PLXNA2: variants seen among roughly 807,000 people sequenced by gnomAD.
PLXNA2 encodes the protein plexin-A2.
In PLXNA2, 91 loss-of-function variants were observed where a neutral mutation model predicts 193.5. The ratio of observed to expected loss-of-function variants is 0.47; its 90% CI spans 0.40 to 0.56. The LOEUF (loss-of-function observed/expected upper bound fraction) is 0.56. Among genes scored for constraint, PLXNA2 ranks in the 20% least tolerant of loss-of-function variants. The pLI is 0.00. For missense variants in PLXNA2, 1,995 were observed against 2,503.2 expected (o/e 0.80, Z 4.33); for synonymous variants, 997 against 1,027.3 (o/e 0.97, Z 0.56).
chr1:208,044,616 CGAT>C lies in PLXNA2; in HGVS notation c.3763_3765del (p.Ile1255del). 1 of 1,614,004 alleles carries C rather than the reference CGAT, an allele frequency of 6.2e-7. No homozygotes were observed. The highest frequency in any genetic ancestry group is 8.5e-7 in the Non-Finnish European group (1 of 1,179,988). ...GACTTGCGCTTGTAGGCAATGAGGA[CGAT>C]GATGACGATGATGAGGAGGAGGCTG... On this transcript the variant is annotated inframe_deletion, in exon 20 of 32. Coordinates refer to ENST00000367033, the MANE Select transcript of PLXNA2 (RefSeq NM_025179.4). This position sits in a 1 kb window ranked among gnomAD's most constrained non-coding sequence, Gnocchi z 4.9.
intron 12 of PLXNA2, among the ~76,000 whole-genome samples, chr1:208,077,584 C>A (rs1048307292): frequency 3.9e-5 from 6 of 152,194 alleles, no homozygotes; most frequent in Non-Finnish European, 7.3e-5. Flanking sequence ...AGACTGACAA[C>A]TGCAGCAGCA....
chr1:208,203,640 A>C (rs1670621059), intron 3 of PLXNA2, among the ~76,000 whole-genome samples: 1 of 152,220 alleles, frequency 6.6e-6, no homozygotes, highest in Non-Finnish European at 1.5e-5. Context: ...GGAGCCAAGT[A>C]ACAGGTTAGT....
intron 28 of PLXNA2, among the ~76,000 whole-genome samples, chr1:208,033,020 A>ATC (rs1236289993): frequency 3.4e-5 from 5 of 145,788 alleles, no homozygotes; most frequent in East Asian, 2.1e-4. Flanking sequence ...GAACTGGACT[A>ATC]TCTCTCTCTC....
At chr1:208,198,805 T>G (rs1306465040) in intron 3 of PLXNA2, among the ~76,000 whole-genome samples, 2 of 152,144 alleles carry the variant, frequency 1.3e-5, no homozygotes, top group Non-Finnish European at 2.9e-5. Context: ...AAAAAGCTAG[T>G]GGTTAAAAGC....
chr1:208,159,499 C>T lies in PLXNA2; in HGVS notation c.1372-17036G>A, dbSNP rs541615697. The stretch of plus-strand genomic sequence containing the variant: ...TTGCACAATCCCACGTCCTCCAGCT[C>T]GTGCTCTTTCTGTCTTGAGAGTCTG... On this transcript the variant is annotated intron_variant, in intron 3 of 31. Coordinates refer to ENST00000367033, the MANE Select transcript of PLXNA2 (RefSeq NM_025179.4). 5.9e-5 allele frequency among the ~76,000 whole-genome samples: 9 copies of T among 152,300 alleles called. No homozygotes were observed. The South Asian group carries it at 8.3e-4, about 14-fold the overall frequency.
chr1:208,052,740 G>A (rs1182102060), intron 14 of PLXNA2, among the ~76,000 whole-genome samples: 1 of 152,082 alleles, frequency 6.6e-6, no homozygotes, highest in Non-Finnish European at 1.5e-5. Context: ...GAAAGCAGAG[G>A]TGACACTGAC....
chr1:208,208,400 T>C (rs12094123), intron 3 of PLXNA2, among the ~76,000 whole-genome samples: 1 of 152,036 alleles, frequency 6.6e-6, no homozygotes, highest in Non-Finnish European at 1.5e-5. Flanking sequence ...GGCAAGTCAA[T>C]TTTCTTCTCT....
intron 1 of PLXNA2, among the ~76,000 whole-genome samples, chr1:208,228,553 C>T (rs1022311233): frequency 1.3e-5 from 2 of 152,186 alleles, no homozygotes; most frequent in Non-Finnish European, 2.9e-5. Context: ...GACCCATTGT[C>T]TGACTTTGCC....
chr1:208,064,356 T>C (rs1665716987), intron 12 of PLXNA2, among the ~76,000 whole-genome samples: 1 of 152,250 alleles, frequency 6.6e-6, no homozygotes, highest in Non-Finnish European at 1.5e-5. Flanking sequence ...GCTCTGACCA[T>C]TGCCAAGGCA....
intron 9 of PLXNA2, among the ~76,000 whole-genome samples, chr1:208,090,706 C>T (rs1279340669): frequency 1.3e-5 from 2 of 152,174 alleles, no homozygotes; most frequent in Non-Finnish European, 2.9e-5. Context: ...AGCAGCTGCT[C>T]TTTGTTGTCT....
chr1:208,079,134 C>G (rs1366332382), intron 12 of PLXNA2, 126 bp downstream of exon 12: 4 of 767,972 alleles, frequency 5.2e-6, no homozygotes, highest in Middle Eastern at 3.5e-4. Context: ...TTTCCTACAC[C>G]CCCCCACATT....
intron 5 of PLXNA2, among the ~76,000 whole-genome samples, 177 bp downstream of exon 5, chr1:208,102,970 G>C (rs945238406): frequency 1.3e-5 from 2 of 152,232 alleles, no homozygotes; most frequent in African/African-American, 4.8e-5. Flanking sequence ...CACTTAGAAA[G>C]AAGGCCCACC....
intron 11 of PLXNA2, among the ~76,000 whole-genome samples, chr1:208,081,876 G>A (rs570114505): frequency 6.6e-6 from 1 of 152,188 alleles, no homozygotes; most frequent in Admixed American, 6.5e-5. Context: ...TTTATAGGAC[G>A]ATGAATAAGG....
At chr1:208,029,818 T>C in intron 29 of PLXNA2, 2 of 985,516 alleles carry the variant, frequency 2.0e-6, no homozygotes, top group Non-Finnish European at 2.4e-6. Flanking sequence ...TAAGCCCATT[T>C]ACTCTCCTTC....
At chr1:208,177,377 T>C (rs1669689834) in intron 3 of PLXNA2, among the ~76,000 whole-genome samples, 1 of 152,164 alleles carries the variant, frequency 6.6e-6, no homozygotes, top group East Asian at 1.9e-4. Flanking sequence ...TGATCAGCTG[T>C]GTAACCTTCA....
intron 8 of PLXNA2, among the ~76,000 whole-genome samples, chr1:208,095,538 C>A (rs779815863): frequency 3.9e-5 from 6 of 152,166 alleles, no homozygotes; most frequent in Non-Finnish European, 8.8e-5. Context: ...ACCTCCCCAT[C>A]CAGGTCTTTT....
rs113354376 is a variant in PLXNA2 at position 208,188,409 on chromosome 1, T to C, written c.1371+21871A>G. Among the ~76,000 whole-genome samples, 555 of 152,172 alleles carry C rather than the reference T, an allele frequency of 3.6e-3. 3 individuals are homozygous for C. The highest frequency in any genetic ancestry group is 0.013 in the African/African-American group (526 of 41,520). On this transcript the variant is annotated intron_variant, in intron 3 of 31. Transcript: ENST00000367033. ...ACTCAATAATCTCAGTTCAATCCAT[T>C]TGCAAAATGGAGATATAGGCTGGGC... is the stretch of plus-strand genomic sequence containing the variant.
At chr1:208,030,803 G>A in intron 29 of PLXNA2, 1 of 985,386 alleles carries the variant, frequency 1.0e-6, no homozygotes, top group Non-Finnish European at 1.2e-6. Context: ...TTTCCCAAAG[G>A]AAGCCTTTTG....
intron 3 of PLXNA2, among the ~76,000 whole-genome samples, chr1:208,158,917 G>C (rs1558221307): frequency 6.6e-6 from 1 of 152,184 alleles, no homozygotes; most frequent in Non-Finnish European, 1.5e-5. Flanking sequence ...CCTGCAGTGG[G>C]CTCTATCTCC....
Sources: allele counts gnomAD v4.1 joint callset (sites outside exome capture counted in the v4.1 genomes callset), GRCh38; gene constraint gnomAD v4.1.1; non-coding constraint Gnocchi (gnomAD v3.1); transcripts MANE v1.5; gene names NCBI Gene and HGNC (gene_info 2026-07-23, HGNC 2026-07-21).